ADGRV1: variants seen among roughly 807,000 people sequenced by gnomAD.
ADGRV1 encodes adhesion G protein-coupled receptor V1.
A neutral mutation model predicts 596.2 loss-of-function variants in ADGRV1; 359 were observed. That is an observed-to-expected ratio of 0.60 (90% CI 0.55 to 0.66). ADGRV1 has a LOEUF of 0.66. Among genes scored for constraint, ADGRV1 ranks in the 30% least tolerant of loss-of-function variants. The pLI is 0.00. For synonymous variants in ADGRV1, 2,681 were observed against 2,679.2 expected (o/e 1.00, Z -0.02); for missense variants, 7,274 against 7,575.6 (o/e 0.96, Z 1.48).
At chr5:90,698,874 C>A (rs536113127) in intron 34 of ADGRV1, among the ~76,000 whole-genome samples, 3 of 151,942 alleles carry the variant, frequency 2.0e-5, no homozygotes, top group African/African-American at 7.3e-5. Context: ...CTGATTACTC[C>A]GTAATCAGTG....
chr5:91,073,475 T>C (rs1170000047), intron 86 of ADGRV1, among the ~76,000 whole-genome samples: 1 of 152,206 alleles, frequency 6.6e-6, no homozygotes, highest in East Asian at 1.9e-4. Flanking sequence ...TCTAGAATAG[T>C]GTCTAATACA....
Position 90,777,898 on chromosome 5 carries a change from G to T in ADGRV1, c.12528-7G>T. 3.7e-6 allele frequency: 6 copies of T among 1,606,788 alleles called. 1 individual carries two copies. In the South Asian group the frequency reaches 6.6e-5, roughly 18 times the overall value. Reference sequence around the variant, plus strand: ...TGTATTGGATATACATTTGTTTATTGTTGTAGCCTTGTTCGAGGCCCAGGG... The same window carrying T: ...TGTATTGGATATACATTTGTTTATTTTTGTAGCCTTGTTCGAGGCCCAGGG... On this transcript the variant is annotated splice_region_variant and splice_polypyrimidine_tract_variant and intron_variant, in intron 61 of 89. Transcript: ENST00000405460.
chr5:91,102,339 A>G lies in ADGRV1; in HGVS notation c.18431A>G (p.Gln6144Arg). 6.3e-7 allele frequency: 1 copy of G among 1,584,402 alleles called. No individual in the cohort carries two copies. Among genetic ancestry groups the G allele is most frequent in the Non-Finnish European group, 8.6e-7 (1 of 1,167,094 alleles). ...CTCTTTGTCATTTTCAACAGTCTGC[A>G]GGTAAGCCTTACAATTTGGTTAGTG... ...LVLFVIFNSL[Q>R]GLYVFMVYFI... is the part of the protein sequence containing the mutation. The change falls in exon 87 of 90, where the codon CAG becomes CGG. Residue 6144 changes from glutamine (Q) to arginine (R), a missense_variant and splice_region_variant. By Grantham distance (43) the Gln-to-Arg change is conservative. Around this residue, in one of 5 missense-constraint regions of ADGRV1, gnomAD observed 1,874 missense variants for 1,970.2 expected, o/e 0.95. Transcript: ENST00000405460.
chr5:90,927,741 T>A (rs1774667225), intron 83 of ADGRV1, among the ~76,000 whole-genome samples: 1 of 152,160 alleles, frequency 6.6e-6, no homozygotes. Flanking sequence ...GGTCTTTACA[T>A]TTTGGCTTGA....
chr5:90,851,711 G>A (rs1299898848), intron 79 of ADGRV1, among the ~76,000 whole-genome samples: 2 of 152,186 alleles, frequency 1.3e-5, no homozygotes, highest in Non-Finnish European at 1.5e-5. Context: ...GATTGATCAA[G>A]GTGAATGCAT....
intron 1 of ADGRV1, among the ~76,000 whole-genome samples, chr5:90,610,448 T>C (rs1316787330): frequency 6.6e-6 from 1 of 151,998 alleles, no homozygotes; most frequent in Non-Finnish European, 1.5e-5. Flanking sequence ...GTCAATATGG[T>C]ACACTCTTGT....
intron 85 of ADGRV1, among the ~76,000 whole-genome samples, chr5:91,016,733 A>G (rs1193661193): frequency 3.3e-5 from 5 of 151,946 alleles, no homozygotes; most frequent in African/African-American, 4.8e-5. Context: ...AAAGAAAGTC[A>G]TTTAGTTCAT....
Position 90,738,209 on chromosome 5 carries a change from A to G in ADGRV1, c.10550-6837A>G, listed in dbSNP as rs1379138417. 4.6e-5 allele frequency among the ~76,000 whole-genome samples: 7 copies of G among 152,122 alleles called. No individual in the cohort carries two copies. In the South Asian group the frequency reaches 1.2e-3, roughly 27 times the overall value. On this transcript the variant is annotated intron_variant, in intron 50 of 89. Coordinates refer to ENST00000405460, the MANE Select transcript of ADGRV1 (RefSeq NM_032119.4). ...CATAGCAAACAAAAACTATATTTTT[A>G]TGTTCTCTCCCCTAAAACTTTTATG...
At chr5:91,051,032 T>C (rs988273262) in intron 85 of ADGRV1, among the ~76,000 whole-genome samples, 1 of 152,194 alleles carries the variant, frequency 6.6e-6, no homozygotes, top group Non-Finnish European at 1.5e-5. Context: ...GGAATGGAGA[T>C]TAAAATTAAT....
intron 7 of ADGRV1, 155 bp downstream of exon 7, chr5:90,627,931 C>T (rs1764998503): frequency 2.4e-6 from 1 of 418,694 alleles, no homozygotes. Context: ...CACACACACA[C>T]ACACACACAC....
intron 76 of ADGRV1, 99 bp downstream of exon 76, chr5:90,823,695 G>A: frequency 9.5e-7 from 1 of 1,051,420 alleles, no homozygotes; most frequent in Non-Finnish European, 1.4e-6. Context: ...TTGTTGATAG[G>A]GAGATTCTTT....
intron 83 of ADGRV1, among the ~76,000 whole-genome samples, chr5:90,946,519 A>G (rs141481497): frequency 1.7e-3 from 254 of 152,186 alleles, no homozygotes; most frequent in Non-Finnish European, 2.4e-3. Flanking sequence ...ACGTAGGTAA[A>G]CGTGTGCTAT....
chr5:90,782,628 T>C (rs1441965521), intron 65 of ADGRV1, among the ~76,000 whole-genome samples: 1 of 152,166 alleles, frequency 6.6e-6, no homozygotes, highest in Non-Finnish European at 1.5e-5. Context: ...GTAGATTTCA[T>C]AGGAACTGAA....
At chr5:90,852,990 T>A (rs1456174951) in intron 79 of ADGRV1, among the ~76,000 whole-genome samples, 1 of 152,216 alleles carries the variant, frequency 6.6e-6, no homozygotes, top group Non-Finnish European at 1.5e-5. Flanking sequence ...AGCCACAGAT[T>A]TCATCTTTAT....
chr5:90,684,303 A>T, intron 28 of ADGRV1, 108 bp downstream of exon 28: 4 of 1,060,248 alleles, frequency 3.8e-6, no homozygotes, highest in Non-Finnish European at 5.2e-6. Flanking sequence ...GTAAACTCTA[A>T]CTTTGAAAAT....
chr5:90,810,139 G>A, intron 73 of ADGRV1, 94 bp from the exon 74 acceptor site: 3 of 1,032,252 alleles, frequency 2.9e-6, no homozygotes, highest in Non-Finnish European at 4.1e-6. Context: ...CTGCCCTCAT[G>A]AGCAGCATTT....
intron 11 of ADGRV1, among the ~76,000 whole-genome samples, chr5:90,638,588 T>A (rs1242750448): frequency 6.6e-6 from 1 of 151,948 alleles, no homozygotes; most frequent in Non-Finnish European, 1.5e-5. Context: ...TATAAAATAC[T>A]GTGTTTAATG....
At chr5:91,085,314 C>G (rs1789770747) in intron 86 of ADGRV1, among the ~76,000 whole-genome samples, 1 of 152,188 alleles carries the variant, frequency 6.6e-6, no homozygotes, top group African/African-American at 2.4e-5. Context: ...CCACACAGTT[C>G]TCTTTTGTCA....
At chr5:91,084,293 C>T (rs547825101) in intron 86 of ADGRV1, among the ~76,000 whole-genome samples, 37 of 152,240 alleles carry the variant, frequency 2.4e-4, no homozygotes, top group South Asian at 2.1e-3. Context: ...AATCACCCAA[C>T]CTACAGAATA....
Sources: gnomAD v4.1 joint callset for allele counts (sites outside exome capture counted in the v4.1 genomes callset) on GRCh38, gnomAD v4.1.1 for gene constraint, gnomAD v4.1.1 regional missense constraint, MANE v1.5 for transcripts, NCBI Gene and HGNC (gene_info 2026-07-23, HGNC 2026-07-21) for gene names.